Variants in GNG2 observed in about 807,000 individuals in gnomAD.
GNG2 encodes G protein subunit gamma 2.
Under a neutral mutation model 5.5 loss-of-function variants are expected in GNG2, and 5 were observed. The observed-to-expected ratio is 0.91, with a 90% CI of 0.48 to 1.92. GNG2 has a LOEUF of 1.92. Ranked by LOEUF, GNG2 falls within the 30% of genes most tolerant of loss-of-function variation. GNG2 has a pLI of 0.01. For synonymous variants in GNG2, 28 were observed against 32.0 expected, an observed-to-expected ratio of 0.88 and a Z score of 0.42; for missense variants, 55 against 88.4, an observed-to-expected ratio of 0.62 and a Z score of 1.52.
chr14:51,950,055 A>G (rs1888882496), intron 2 of GNG2, among the ~76,000 whole-genome samples: 1 of 152,184 alleles, frequency 6.6e-6, no homozygotes, highest in Non-Finnish European at 1.5e-5. Context: ...CTCTACTCTC[A>G]AAATGTTTAT....
chr14:51,913,438 C>G (rs185520828), intron 2 of GNG2: 1 of 152,164 alleles, frequency 6.6e-6, no homozygotes, highest in East Asian at 1.9e-4. Flanking sequence ...TGCTTGAGCC[C>G]GGGAGTTAGA....
chr14:51,964,369 C>G (rs955350072), intron 3 of GNG2, among the ~76,000 whole-genome samples: 1 of 152,156 alleles, frequency 6.6e-6, no homozygotes, highest in Non-Finnish European at 1.5e-5. Context: ...TTCAAGACAG[C>G]CAGAGGAAAC....
At chr14:51,882,056 A>T (rs2140142528) in intron 2 of GNG2, among the ~76,000 whole-genome samples, 1 of 152,294 alleles carries the variant, frequency 6.6e-6, no homozygotes, top group South Asian at 2.1e-4. Flanking sequence ...CTTATGCTGT[A>T]ATTTAAACTT....
intron 1 of GNG2, among the ~76,000 whole-genome samples, chr14:51,870,189 C>T (rs1347396596): frequency 6.6e-6 from 1 of 151,860 alleles, no homozygotes. Flanking sequence ...GAACAAAAGC[C>T]TTGTTTTTGG....
At chr14:51,923,527 A>T (rs1439923950) in intron 2 of GNG2, among the ~76,000 whole-genome samples, 1 of 145,104 alleles carries the variant, frequency 6.9e-6, no homozygotes, top group African/African-American at 2.5e-5. Context: ...ATATATGTGT[A>T]TATATATACA....
At chr14:51,892,510 G>A (rs938130265) in intron 2 of GNG2, among the ~76,000 whole-genome samples, 1 of 152,064 alleles carries the variant, frequency 6.6e-6, no homozygotes, top group African/African-American at 2.4e-5. Flanking sequence ...TGTTGGCCAG[G>A]CTGGTCTCGA....
rs1296789128 is a variant in GNG2, at chr14:51,968,025, T to C, written c.*1338T>C. 2 of 152,212 alleles carry C rather than the reference T, an allele frequency of 1.3e-5. No homozygotes were observed. Among genetic ancestry groups the C allele is most frequent in the Non-Finnish European group, 1.5e-5 (1 of 68,026 alleles). The allele number at this position is 152,212 out of a possible 1,614,324, so 9.4% of individuals were successfully genotyped here. On this transcript the variant is annotated 3_prime_UTR_variant, in exon 4 of 4. Coordinates refer to ENST00000556766, the MANE Select transcript of GNG2 (RefSeq NM_053064.5). Reference sequence around the variant, plus strand: ...GAAGAGTTCTGGCTCTTTTGTCCACTGAGATGGTCTTGGTTTTTCACTTAA... The same window carrying C: ...GAAGAGTTCTGGCTCTTTTGTCCACCGAGATGGTCTTGGTTTTTCACTTAA...
At chr14:51,897,990 C>T (rs1890698) in intron 2 of GNG2, among the ~76,000 whole-genome samples, 74,457 of 152,034 alleles carry the variant, frequency 0.49, 18,812 homozygotes, top group African/African-American at 0.62. Flanking sequence ...TATTTAACAC[C>T]CCGTAACTGT....
intron 3 of GNG2, among the ~76,000 whole-genome samples, chr14:51,965,500 G>A (rs777806024): frequency 1.2e-4 from 19 of 152,134 alleles, no homozygotes; most frequent in Non-Finnish European, 2.4e-4. Context: ...ATGGTTGAAG[G>A]AAGGTACTAC....
Position 51,904,015 on chromosome 14 carries a change from A to G in GNG2, c.-30+26358A>G, listed in dbSNP as rs146389277. Among the ~76,000 whole-genome samples the G allele has an allele frequency of 3.3e-5, 5 of 152,350 alleles. No individual in the cohort carries two copies. In the East Asian group the frequency reaches 9.6e-4, roughly 29 times the overall value. ...GAAGGAATTTCTCAAAAGGCATGCA[A>G]TGCTCAGAGAATCTCAGGAGAGCTA... is the stretch of plus-strand genomic sequence containing the variant. On this transcript the variant is annotated intron_variant, in intron 2 of 3. Coordinates refer to ENST00000556766, the MANE Select transcript of GNG2 (RefSeq NM_053064.5).
chr14:51,832,196 C>T (rs907504241), intron 2 of GNG2, among the ~76,000 whole-genome samples: 1 of 151,972 alleles, frequency 6.6e-6, no homozygotes, highest in Non-Finnish European at 1.5e-5. Context: ...GGGAGGATCA[C>T]TTGACCCCAG....
intron 2 of GNG2, among the ~76,000 whole-genome samples, chr14:51,922,468 C>A (rs1173039833): frequency 6.6e-6 from 1 of 152,104 alleles, no homozygotes; most frequent in Admixed American, 6.6e-5. Context: ...AGGGGGAAGA[C>A]TCCAAGGGGT....
At chr14:51,917,391 A>G in intron 2 of GNG2, 1 of 456,124 alleles carries the variant, frequency 2.2e-6, no homozygotes, top group Non-Finnish European at 4.4e-6. Context: ...CAGCAACGAC[A>G]TGGCTGGTTG....
At chr14:51,898,759 G>A (rs1885363708) in intron 2 of GNG2, among the ~76,000 whole-genome samples, 1 of 152,170 alleles carries the variant, frequency 6.6e-6, no homozygotes, top group South Asian at 2.1e-4. Context: ...GAGCTTCCCG[G>A]CCAACTGCTC....
intron 2 of GNG2, among the ~76,000 whole-genome samples, chr14:51,853,469 G>A (rs1250495643): frequency 6.6e-6 from 1 of 152,154 alleles, no homozygotes; most frequent in Non-Finnish European, 1.5e-5. Context: ...AGCCAAGGAA[G>A]GTCACAAGTA....
chr14:51,910,712 C>T (rs1813750086), intron 2 of GNG2, among the ~76,000 whole-genome samples: 1 of 152,214 alleles, frequency 6.6e-6, no homozygotes, highest in Non-Finnish European at 1.5e-5. Flanking sequence ...AGTCTGTGCC[C>T]CACTTTGCCT....
At chr14:51,932,093 A>T (rs1410741627) in intron 2 of GNG2, among the ~76,000 whole-genome samples, 1 of 151,976 alleles carries the variant, frequency 6.6e-6, no homozygotes, top group Non-Finnish European at 1.5e-5. Flanking sequence ...AAAAAATAGA[A>T]AAAATTAGCT....
At chr14:51,831,705 G>C (rs1246478527) in intron 2 of GNG2, among the ~76,000 whole-genome samples, 1 of 152,190 alleles carries the variant, frequency 6.6e-6, no homozygotes, top group Non-Finnish European at 1.5e-5. Context: ...AAACACACTT[G>C]ATATCACTAG....
chr14:51,954,634 G>A (rs975938890), intron 3 of GNG2, among the ~76,000 whole-genome samples: 10 of 152,224 alleles, frequency 6.6e-5, no homozygotes, highest in African/African-American at 2.4e-4. Context: ...TAGATAGGCA[G>A]TGGAAGTGAG....
Sources: gnomAD v4.1 joint callset for allele counts (sites outside exome capture counted in the v4.1 genomes callset) on GRCh38, gnomAD v4.1.1 for gene constraint, MANE v1.5 for transcripts, NCBI Gene and HGNC (gene_info 2026-07-23, HGNC 2026-07-21) for gene names.